ERAP1: variants seen among roughly 807,000 people sequenced by gnomAD.
ERAP1 encodes adipocyte-derived leucine aminopeptidase.
A neutral mutation model predicts 103.7 loss-of-function variants in ERAP1; 86 were observed. The ratio of observed to expected loss-of-function variants is 0.83; its 90% CI spans 0.70 to 0.99. The LOEUF is 0.99. Among genes scored for constraint, ERAP1 ranks in the 50% least tolerant of loss-of-function variants. The pLI, the probability that ERAP1 is intolerant of heterozygous loss-of-function variation, is 0.00. For synonymous variants in ERAP1, 398 were observed against 402.4 expected, an observed-to-expected ratio of 0.99 and a Z score of 0.13; for missense variants, 1,009 against 1,128.4, an observed-to-expected ratio of 0.89 and a Z score of 1.52.
At chr5:96,888,164 A>AGG in the ERAP1 span, among the ~76,000 whole-genome samples, 1 of 149,786 alleles carries the variant, frequency 6.7e-6, no homozygotes, top group African/African-American at 2.5e-5. Context: ...AAAAGAAAAA[A>AGG]AAAGAAAAAT....
At position 96,803,393 on chromosome 5, in the gene ERAP1, A is replaced by G. The variant is rs371596102; in HGVS notation, c.524+10T>C. On this transcript the variant is annotated intron_variant, in intron 2 of 18. Transcript: ENST00000443439. ...CTTGCAGTTTAAAAGAAAAAGAGAA[A>G]AAAAAATACCTCAGTTCCCCTTCCT... The G allele has an allele frequency of 1.2e-5, 19 of 1,612,376 alleles. No individual in the cohort carries two copies. In the African/African-American group the frequency reaches 1.9e-4, roughly 16 times the overall value.
At chr5:96,914,108 T>C in the ERAP1 span, among the ~76,000 whole-genome samples, 1 of 150,584 alleles carries the variant, frequency 6.6e-6, no homozygotes, top group Non-Finnish European at 1.5e-5. Flanking sequence ...GAATGGAATG[T>C]ATAAGACAGC....
the ERAP1 span, among the ~76,000 whole-genome samples, chr5:96,921,625 A>G: frequency 2.0e-5 from 3 of 152,278 alleles, 1 homozygote; most frequent in East Asian, 5.8e-4. Context: ...TTACAAATGT[A>G]TTCTTCTTTC....
chr5:96,770,565 C>A (rs1771919066), downstream of ERAP1: 15 of 1,613,002 alleles, frequency 9.3e-6, no homozygotes, highest in Non-Finnish European at 1.3e-5. Context: ...AGCTCCAAAG[C>A]ACCTAAGAAT....
At chr5:96,786,415 C>A in intron 12 of ERAP1, 55 bp downstream of exon 12, 1 of 1,197,438 alleles carries the variant, frequency 8.4e-7, no homozygotes. Flanking sequence ...CACTTTAATC[C>A]TACACATTTT....
At chr5:96,826,457 G>A in the ERAP1 span, among the ~76,000 whole-genome samples, 1 of 152,136 alleles carries the variant, frequency 6.6e-6, no homozygotes, top group East Asian at 1.9e-4. Flanking sequence ...ATCTACTTAG[G>A]AAAAGTAAGA....
the ERAP1 span, among the ~76,000 whole-genome samples, chr5:96,889,693 T>C: frequency 5.3e-5 from 8 of 152,278 alleles, no homozygotes; most frequent in African/African-American, 1.7e-4. Context: ...TCCAAGATGC[T>C]GTGGCTCCCT....
the ERAP1 span, among the ~76,000 whole-genome samples, chr5:96,912,117 G>A: frequency 1.5e-4 from 23 of 150,052 alleles, no homozygotes; most frequent in African/African-American, 4.9e-4. Context: ...GTGAACCCCG[G>A]GGGGCGGAGC....
chr5:96,788,517 T>C lies in ERAP1; in HGVS notation c.1679+14A>G, dbSNP rs373602079. On this transcript the variant is annotated intron_variant, in intron 11 of 18. Transcript: ENST00000443439. ...ACCTAGACAACAAAACAAATTTTACTCTAGGAGCATTACCCAGTGTCCGGG... is the reference window on the plus strand; with the variant it reads ...ACCTAGACAACAAAACAAATTTTACCCTAGGAGCATTACCCAGTGTCCGGG... 1.2e-5 allele frequency: 19 copies of C among 1,613,944 alleles called. No individual in the cohort carries two copies. In the East Asian group the frequency reaches 2.2e-4, roughly 19 times the overall value.
At chr5:96,877,142 T>C in the ERAP1 span, among the ~76,000 whole-genome samples, 1 of 152,042 alleles carries the variant, frequency 6.6e-6, no homozygotes, top group Non-Finnish European at 1.5e-5. Context: ...GCCCGGCTAA[T>C]TTTTGTATTT....
At chr5:96,790,240 A>G in intron 10 of ERAP1, 56 bp downstream of exon 10, 6 of 1,528,120 alleles carry the variant, frequency 3.9e-6, no homozygotes, top group Non-Finnish European at 4.5e-6. Flanking sequence ...TGCCTTTCAA[A>G]GAATATGCAG....
At chr5:96,774,113 T>G (rs1211567999), downstream of ERAP1, 1 of 153,234 alleles carries the variant, frequency 6.5e-6, no homozygotes, top group Non-Finnish European at 1.5e-5. Context: ...GAGGGATTTC[T>G]AACCATGTAT....
the ERAP1 span, among the ~76,000 whole-genome samples, chr5:96,869,420 T>C: frequency 6.6e-6 from 1 of 152,074 alleles, no homozygotes; most frequent in Admixed American, 6.6e-5. Flanking sequence ...TATTTACTCC[T>C]GGATGAAAGT....
At chr5:96,883,307 C>G in the ERAP1 span, among the ~76,000 whole-genome samples, 60 of 152,260 alleles carry the variant, frequency 3.9e-4, 1 homozygote, top group South Asian at 8.5e-3. Flanking sequence ...TTTCTCCTGG[C>G]AGGATGTTCT....
chr5:96,786,728 G>A (rs1434173364), intron 11 of ERAP1, 179 bp from the exon 12 acceptor site: 23 of 583,950 alleles, frequency 3.9e-5, no homozygotes, highest in Non-Finnish European at 5.8e-5. Flanking sequence ...GTGTCAGCTC[G>A]GGCACTATTT....
At chr5:96,855,712 CACTT>C in the ERAP1 span, among the ~76,000 whole-genome samples, 7,406 of 152,292 alleles carry the variant, frequency 0.049, 219 homozygotes, top group South Asian at 0.11. Flanking sequence ...ACTTCTCTCC[CACTT>C]ACTTGACAGC....
At chr5:96,901,759 TC>T in the ERAP1 span, 1 of 1,440,334 alleles carries the variant, frequency 6.9e-7, no homozygotes. Flanking sequence ...TCTCAGCTCA[TC>T]TGGCAACTTT....
At chr5:96,840,011 G>C in the ERAP1 span, among the ~76,000 whole-genome samples, 2 of 152,124 alleles carry the variant, frequency 1.3e-5, no homozygotes, top group Non-Finnish European at 2.9e-5. Flanking sequence ...TGTCTCCTCT[G>C]CTAGAATGGA....
At chr5:96,902,172 G>C in the ERAP1 span, 1 of 735,738 alleles carries the variant, frequency 1.4e-6, no homozygotes, top group Non-Finnish European at 2.4e-6. Context: ...TATGAAGGAT[G>C]ATGGGTACTT....
Sources: allele counts gnomAD v4.1 joint callset (sites outside exome capture counted in the v4.1 genomes callset), GRCh38; gene constraint gnomAD v4.1.1; transcripts MANE v1.5; gene names NCBI Gene and HGNC (gene_info 2026-07-23, HGNC 2026-07-21).